The following STIM2 variants were observed in gnomAD, a reference collection of about 807,000 sequenced individuals.
The protein encoded by STIM2 is stromal interaction molecule 2.
STIM2 carries 31 observed loss-of-function variants against 85.8 expected under a neutral mutation model. The ratio of observed to expected loss-of-function variants is 0.36; its 90% CI spans 0.27 to 0.49. STIM2 has a LOEUF of 0.49. Among genes scored for constraint, STIM2 ranks in the 20% least tolerant of loss-of-function variants. The pLI, the probability that STIM2 is intolerant of heterozygous loss-of-function variation, is 0.98. For missense variants in STIM2, 841 were observed against 927.6 expected, an observed-to-expected ratio of 0.91 and a Z score of 1.21; for synonymous variants, 356 against 331.1, an observed-to-expected ratio of 1.08 and a Z score of -0.82.
intron 2 of STIM2, among the ~76,000 whole-genome samples, chr4:26,938,050 T>C (rs6841079): frequency 0.038 from 5,742 of 152,182 alleles, 255 homozygotes; most frequent in African/African-American, 0.11. Context: ...TAAATTTAAA[T>C]AGCTTTTAAA....
chr4:26,933,119 T>C (rs1458377353), intron 2 of STIM2, among the ~76,000 whole-genome samples: 2 of 151,592 alleles, frequency 1.3e-5, no homozygotes, highest in Non-Finnish European at 2.9e-5. Flanking sequence ...CCGGATATAT[T>C]AGCGCTTAAT....
intron 1 of STIM2, among the ~76,000 whole-genome samples, chr4:26,897,343 CT>C (rs770871233): frequency 1.3e-3 from 194 of 152,262 alleles, no homozygotes; most frequent in Admixed American, 4.6e-3. Flanking sequence ...GTGCTATCTC[CT>C]TGGGGTCATA....
intron 10 of STIM2, among the ~76,000 whole-genome samples, chr4:27,014,518 T>C (rs1728671899): frequency 6.6e-6 from 1 of 151,892 alleles, no homozygotes. Context: ...CATCTTTGCC[T>C]ATTGATTTCT....
intron 2 of STIM2, among the ~76,000 whole-genome samples, chr4:26,950,481 G>T (rs1726007150): frequency 6.6e-6 from 1 of 152,080 alleles, no homozygotes; most frequent in Non-Finnish European, 1.5e-5. Context: ...GTGGTGGGTG[G>T]TGGGGCCTCA....
rs71643700 is a variant in STIM2 at position 26,891,558 on chromosome 4, TACACACACACACAC to T, written c.152-27919_152-27906del. ...ATATAAAGATATGTGTATACATACA[TACACACACACACAC>T]ACACACACACACACACACACACACA... is the stretch of plus-strand genomic sequence containing the variant. On this transcript the variant is annotated intron_variant, in intron 1 of 11. Coordinates refer to ENST00000467087, the MANE Select transcript of STIM2 (RefSeq NM_020860.4). 5.1e-4 allele frequency among the ~76,000 whole-genome samples: 74 copies of T among 144,642 alleles called. No homozygotes were observed. In the East Asian group the frequency reaches 7.4e-3, roughly 14 times the overall value. The allele number at this position is 144,642 out of a possible 152,430, so 94.9% of individuals were successfully genotyped here.
At chr4:26,992,992 G>T (rs901602267) in intron 3 of STIM2, among the ~76,000 whole-genome samples, 3 of 152,024 alleles carry the variant, frequency 2.0e-5, no homozygotes, top group Non-Finnish European at 2.9e-5. Flanking sequence ...CTTCCTTTCT[G>T]TACTGACTTA....
rs560053731 is a variant in STIM2, at chr4:26,975,248, G to A, written c.397+17522G>A. ...TTCTGAAGCCTACTTCTGTCAACTT[G>A]TCACAGTCATTCTCTGTCCTGCTTT... On this transcript the variant is annotated intron_variant, in intron 3 of 11. Transcript: ENST00000467087. Among the ~76,000 whole-genome samples the A allele has an allele frequency of 4.6e-5, 7 of 152,282 alleles. No homozygotes were observed. The South Asian group carries it at 1.0e-3, about 23-fold the overall frequency.
intron 2 of STIM2, among the ~76,000 whole-genome samples, chr4:26,922,184 A>G (rs182883667): frequency 1.8e-4 from 27 of 152,224 alleles, no homozygotes; most frequent in Non-Finnish European, 1.5e-5. Context: ...CATTCTCTCA[A>G]CATCATTATC....
intron 1 of STIM2, among the ~76,000 whole-genome samples, chr4:26,885,871 A>ATATATATATATATATG (rs1560194736): frequency 8.5e-6 from 1 of 117,910 alleles, no homozygotes; most frequent in African/African-American, 3.4e-5. Context: ...ATATATATAT[A>ATATATATATATATATG]TATGTATATG....
chr4:26,901,632 A>T (rs978905572), intron 1 of STIM2, among the ~76,000 whole-genome samples: 1 of 152,110 alleles, frequency 6.6e-6, no homozygotes, highest in Non-Finnish European at 1.5e-5. Context: ...AGAACTATTT[A>T]TTATTCTTTC....
chr4:26,959,473 T>C (rs559525129), intron 3 of STIM2, among the ~76,000 whole-genome samples: 1 of 152,240 alleles, frequency 6.6e-6, no homozygotes, highest in East Asian at 1.9e-4. Flanking sequence ...CTTCACACTT[T>C]CCTTTTCCCC....
At chr4:26,938,839 G>A (rs1229954978) in intron 2 of STIM2, among the ~76,000 whole-genome samples, 1 of 152,164 alleles carries the variant, frequency 6.6e-6, no homozygotes, top group East Asian at 1.9e-4. Context: ...TGTGTAAGGA[G>A]CACTAGGATT....
At chr4:26,946,815 G>A (rs537326265) in intron 2 of STIM2, among the ~76,000 whole-genome samples, 45 of 152,094 alleles carry the variant, frequency 3.0e-4, no homozygotes, top group Non-Finnish European at 6.2e-4. Flanking sequence ...CTTATAATTC[G>A]CGGTCTCTTG....
chr4:26,959,480 C>A (rs1328446458), intron 3 of STIM2, among the ~76,000 whole-genome samples: 1 of 151,904 alleles, frequency 6.6e-6, no homozygotes, highest in African/African-American at 2.4e-5. Context: ...CTTTCCTTTT[C>A]CCCATCGTGT....
At chr4:26,957,487 A>T in intron 2 of STIM2, 125 bp from the exon 3 acceptor site, 1 of 502,588 alleles carries the variant, frequency 2.0e-6, no homozygotes, top group Non-Finnish European at 3.5e-6. Context: ...TGACTACAAT[A>T]CCAAAAATTT....
chr4:26,888,190 T>C (rs1723331327), intron 1 of STIM2, among the ~76,000 whole-genome samples: 1 of 152,228 alleles, frequency 6.6e-6, no homozygotes, highest in Non-Finnish European at 1.5e-5. Context: ...AAAACTGTCA[T>C]AGTCCATCCT....
rs1391001281 is a variant in STIM2 at position 27,023,068 on chromosome 4, C to G, written c.*72C>G. On this transcript the variant is annotated 3_prime_UTR_variant, in exon 12 of 12. Coordinates refer to ENST00000467087, the MANE Select transcript of STIM2 (RefSeq NM_020860.4). ...TTATCCCCCACCCTCCACTCCCCAC[C>G]TTTTTTTTGGTTTAATTTTAGGAAT... The G allele has an allele frequency of 1.2e-5, 17 of 1,423,444 alleles. No homozygotes were observed. Among genetic ancestry groups the G allele is most frequent in the Non-Finnish European group, 1.5e-5 (16 of 1,054,868 alleles). The allele number at this position is 1,423,444 out of a possible 1,614,324, so 88.2% of individuals were successfully genotyped here.
Position 26,861,222 on chromosome 4 carries a change from C to G in STIM2, c.4C>G (p.Leu2Val). ...GCGGCGGCGGCGCTGGGCTGCGTTG[C>G]TGGTGCTCGGGCTGCTGGTAGCCGG... The change falls in exon 1 of 12, where the codon CTG (leucine) becomes GTG (valine). Residue 2 changes from leucine (L) to valine (V), a missense_variant. Around this residue, in one of 3 missense-constraint regions of STIM2, gnomAD observed 140 missense variants for 117.7 expected, o/e 1.19. Coordinates refer to ENST00000467087, the MANE Select transcript of STIM2 (RefSeq NM_020860.4). The G allele has an allele frequency of 1.3e-6, 2 of 1,487,728 alleles. No individual in the cohort carries two copies. The highest frequency in any genetic ancestry group is 2.9e-5 in the East Asian group (1 of 34,684). The allele number at this position is 1,487,728 out of a possible 1,614,324, so 92.2% of individuals were successfully genotyped here.
chr4:26,934,053 G>A (rs1725307527), intron 2 of STIM2, among the ~76,000 whole-genome samples: 1 of 152,172 alleles, frequency 6.6e-6, no homozygotes, highest in Non-Finnish European at 1.5e-5. Context: ...AATTAGCCGG[G>A]CGTGGTGGCA....
Sources: gnomAD v4.1 joint callset for allele counts (sites outside exome capture counted in the v4.1 genomes callset) on GRCh38, gnomAD v4.1.1 for gene constraint, gnomAD v4.1.1 regional missense constraint, MANE v1.5 for transcripts, NCBI Gene and HGNC (gene_info 2026-07-23, HGNC 2026-07-21) for gene names.